Variants in SDK1 observed in about 807,000 individuals in gnomAD.
The protein encoded by SDK1 is protein sidekick-1.
A neutral mutation model predicts 245.5 loss-of-function variants in SDK1; 157 were observed. The ratio of observed to expected loss-of-function variants is 0.64; its 90% confidence interval spans 0.56 to 0.73. The LOEUF is 0.73. SDK1 is among the 30% of genes least tolerant of loss of function. SDK1 has a pLI of 0.00. For synonymous variants in SDK1, 1,647 were observed against 1,278.5 expected, an observed-to-expected ratio of 1.29 and a Z score of -6.15; for missense variants, 3,583 against 3,002.3, an observed-to-expected ratio of 1.19 and a Z score of -4.52.
chr7:3,600,129 A>G (rs1244389610), intron 1 of SDK1, among the ~76,000 whole-genome samples: 2 of 152,190 alleles, frequency 1.3e-5, no homozygotes, highest in Non-Finnish European at 2.9e-5. Context: ...TTTTCAGCAT[A>G]CAGGTCATAA....
chr7:4,023,217 G>T (rs553676605), intron 17 of SDK1, among the ~76,000 whole-genome samples: 7 of 152,084 alleles, frequency 4.6e-5, no homozygotes, highest in South Asian at 2.1e-4. Context: ...TAACTTTCCT[G>T]ACTTTTCTTA....
At chr7:3,779,372 A>G (rs911097053) in intron 4 of SDK1, among the ~76,000 whole-genome samples, 3 of 151,994 alleles carry the variant, frequency 2.0e-5, no homozygotes, top group East Asian at 1.9e-4. Flanking sequence ...CAGAATGACA[A>G]CGTATTCTGA....
At position 4,237,043 on chromosome 7, in the gene SDK1, A is replaced by G. The variant is rs143247417; in HGVS notation, c.5993-604A>G. ...CGCCTCAGCCTCCTGAGTAGCTGGG[A>G]CTACAGGTGTGCCACCATACCTTGT... On this transcript the variant is annotated intron_variant, in intron 41 of 44. Transcript: ENST00000404826. Among the ~76,000 whole-genome samples the G allele has an allele frequency of 3.8e-3, 576 of 151,952 alleles. 4 individuals carry two copies. The highest frequency in any genetic ancestry group is 0.013 in the African/African-American group (557 of 41,446).
intron 1 of SDK1, among the ~76,000 whole-genome samples, chr7:3,540,419 A>AG (rs973734291): frequency 6.6e-6 from 1 of 152,232 alleles, no homozygotes; most frequent in African/African-American, 2.4e-5. Context: ...AAACAAAAAA[A>AG]GAAGAGGCCT....
chr7:3,547,863 T>C (rs1200415894), intron 1 of SDK1, among the ~76,000 whole-genome samples: 2 of 152,252 alleles, frequency 1.3e-5, no homozygotes, highest in Non-Finnish European at 2.9e-5. Context: ...CTTTCCTTTC[T>C]GCCTGGCCAT....
chr7:3,799,925 C>T (rs1428370717), intron 4 of SDK1, among the ~76,000 whole-genome samples: 2 of 152,012 alleles, frequency 1.3e-5, no homozygotes, highest in South Asian at 2.1e-4. Context: ...TTCTTTGTCT[C>T]CTGGGTGAAG....
At chr7:3,546,550 T>A (rs1308223652) in intron 1 of SDK1, among the ~76,000 whole-genome samples, 1 of 152,166 alleles carries the variant, frequency 6.6e-6, no homozygotes, top group Non-Finnish European at 1.5e-5. Context: ...AAACAGGACA[T>A]GGAAAGAAAA....
chr7:3,932,861 C>T (rs1780027105), intron 5 of SDK1, among the ~76,000 whole-genome samples: 1 of 152,160 alleles, frequency 6.6e-6, no homozygotes, highest in South Asian at 2.1e-4. Flanking sequence ...CAAAAGAAGC[C>T]AACACCCACC....
intron 22 of SDK1, among the ~76,000 whole-genome samples, chr7:4,100,999 C>G (rs1562809568): frequency 6.6e-6 from 1 of 152,160 alleles, no homozygotes; most frequent in Non-Finnish European, 1.5e-5. Flanking sequence ...GGAAGGGAGG[C>G]CTATGCGGAG....
chr7:3,587,898 T>A (rs74929201), intron 1 of SDK1, among the ~76,000 whole-genome samples: 4,973 of 152,318 alleles, frequency 0.033, 251 homozygotes, highest in African/African-American at 0.11. Flanking sequence ...CTGACACAAT[T>A]GCCTTCCATG....
chr7:3,468,892 T>C (rs1243776717), intron 1 of SDK1, among the ~76,000 whole-genome samples: 1 of 152,184 alleles, frequency 6.6e-6, no homozygotes, highest in Non-Finnish European at 1.5e-5. Flanking sequence ...CAGTGATTTT[T>C]AGCATACCTT....
intron 22 of SDK1, among the ~76,000 whole-genome samples, chr7:4,090,783 G>A (rs1219289067): frequency 6.6e-6 from 1 of 152,206 alleles, no homozygotes; most frequent in East Asian, 1.9e-4. Flanking sequence ...GCTAGGAAAT[G>A]TACATATATC....
At chr7:3,781,183 C>T (rs1562438863) in intron 4 of SDK1, among the ~76,000 whole-genome samples, 3 of 152,130 alleles carry the variant, frequency 2.0e-5, no homozygotes, top group South Asian at 2.1e-4. Flanking sequence ...AGAGAACAGC[C>T]TATAGCCCTG....
intron 5 of SDK1, among the ~76,000 whole-genome samples, chr7:3,847,369 C>G (rs1343855591): frequency 6.6e-6 from 1 of 152,160 alleles, no homozygotes; most frequent in Non-Finnish European, 1.5e-5. Context: ...ATTAAATGGC[C>G]AGATTTTCCT....
rs555995178 is a variant in SDK1, at chr7:4,255,654, G to A, written c.6382-9470G>A. Among the ~76,000 whole-genome samples the A allele has an allele frequency of 9.4e-4, 143 of 152,278 alleles. 1 individual carries two copies. The highest frequency in any genetic ancestry group is 1.6e-3 in the Non-Finnish European group (106 of 68,038). ...AATAGAGCTTCTTCAACATGGAGTT[G>A]GGTTGGGGGAAAGGGGAAGCTGGAT... On this transcript the variant is annotated intron_variant, in intron 44 of 44. Transcript: ENST00000404826.
At chr7:3,500,524 T>G (rs996676668) in intron 1 of SDK1, among the ~76,000 whole-genome samples, 3 of 152,194 alleles carry the variant, frequency 2.0e-5, no homozygotes, top group Non-Finnish European at 4.4e-5. Context: ...TCATTCTGCT[T>G]TCTCATTATT....
At chr7:3,883,536 A>G (rs1463928477) in intron 5 of SDK1, among the ~76,000 whole-genome samples, 1 of 152,216 alleles carries the variant, frequency 6.6e-6, no homozygotes. Flanking sequence ...AAATTCATCC[A>G]GTAACCAGGG....
intron 1 of SDK1, among the ~76,000 whole-genome samples, chr7:3,559,364 T>G (rs1007071183): frequency 2.0e-5 from 3 of 152,206 alleles, no homozygotes; most frequent in African/African-American, 7.2e-5. Flanking sequence ...GCATGGTGTT[T>G]ATGAAGACCT....
intron 22 of SDK1, among the ~76,000 whole-genome samples, chr7:4,089,303 G>T (rs928984522): frequency 2.0e-5 from 3 of 152,220 alleles, no homozygotes; most frequent in African/African-American, 4.8e-5. Flanking sequence ...GTGTGGAGGC[G>T]CCCAGACCCC....
Sources: allele counts gnomAD v4.1 joint callset (sites outside exome capture counted in the v4.1 genomes callset), GRCh38; gene constraint gnomAD v4.1.1; transcripts MANE v1.5; gene names NCBI Gene and HGNC (gene_info 2026-07-23, HGNC 2026-07-21).